PPP1R1C: variants seen among roughly 807,000 people sequenced by gnomAD.
The protein encoded by PPP1R1C is protein phosphatase 1 regulatory inhibitor subunit 1C.
PPP1R1C carries 15 observed loss-of-function variants against 17.4 expected under a neutral mutation model. The ratio of observed to expected loss-of-function variants is 0.86; its 90% CI spans 0.58 to 1.33. The LOEUF is 1.33. Ranked by LOEUF, PPP1R1C falls within the 40% of genes most tolerant of loss-of-function variation. The probability of loss-of-function intolerance (pLI) is 0.00; values close to 1 mark genes in which losing one functional copy is unlikely to be tolerated. For synonymous variants in PPP1R1C, 35 were observed against 43.1 expected (o/e 0.81, Z 0.73); for missense variants, 143 against 130.0 (o/e 1.10, Z -0.48).
chr2:181,986,887 A>G (rs926859661), intron 1 of PPP1R1C, among the ~76,000 whole-genome samples: 1 of 152,234 alleles, frequency 6.6e-6, no homozygotes, highest in Non-Finnish European at 1.5e-5. Flanking sequence ...AGGCAAAAGC[A>G]AAGAAATTTA....
chr2:182,069,164 G>A (rs1040954075), intron 4 of PPP1R1C, among the ~76,000 whole-genome samples: 36 of 152,184 alleles, frequency 2.4e-4, no homozygotes, highest in African/African-American at 8.2e-4. Context: ...TGTTTGTGCT[G>A]GCTCAGTTTG....
At chr2:182,005,050 A>G (rs934873527) in intron 2 of PPP1R1C, among the ~76,000 whole-genome samples, 1 of 152,232 alleles carries the variant, frequency 6.6e-6, no homozygotes, top group Non-Finnish European at 1.5e-5. Flanking sequence ...TAATGGCTCA[A>G]TAATGGAGCT....
Position 182,025,826 on chromosome 2 carries a change from C to T in PPP1R1C, c.143-35616C>T, listed in dbSNP as rs1036731349. On this transcript the variant is annotated intron_variant, in intron 2 of 4. Transcript: ENST00000682840. ...TTGAACTAGTTTACAGTCCCACCAA[C>T]GGTGTAAAAGTGTTCCTATTTCTCC... Among the ~76,000 whole-genome samples the T allele has an allele frequency of 7.0e-4, 102 of 144,874 alleles. 10 individuals are homozygous for T. The highest frequency in any genetic ancestry group is 3.6e-3 in the Middle Eastern group (1 of 280).
chr2:182,030,227 T>C (rs1393537450), intron 2 of PPP1R1C, among the ~76,000 whole-genome samples: 1 of 152,202 alleles, frequency 6.6e-6, no homozygotes, highest in Non-Finnish European at 1.5e-5. Flanking sequence ...AAAGTCATTC[T>C]CCATCCAGCT....
chr2:181,982,670 G>A (rs554433158), upstream of PPP1R1C, among the ~76,000 whole-genome samples: 19 of 152,222 alleles, frequency 1.2e-4, no homozygotes, highest in African/African-American at 2.9e-4. Flanking sequence ...AAAAGGGAGC[G>A]GGGAGGCAGG....
downstream of PPP1R1C, among the ~76,000 whole-genome samples, chr2:182,119,231 G>A (rs1689668945): frequency 6.6e-6 from 1 of 151,984 alleles, no homozygotes; most frequent in Non-Finnish European, 1.5e-5. Flanking sequence ...CAAAGGACAT[G>A]AACTCATCAT....
At chr2:182,130,537 A>T (rs1424066279), downstream of PPP1R1C, 1 of 152,242 alleles carries the variant, frequency 6.6e-6, no homozygotes, top group Non-Finnish European at 1.5e-5. Flanking sequence ...AACTTAAAAA[A>T]ATAGTTTGCA....
intron 4 of PPP1R1C, among the ~76,000 whole-genome samples, chr2:182,106,844 G>A (rs975702202): frequency 5.3e-5 from 8 of 152,134 alleles, no homozygotes; most frequent in Non-Finnish European, 1.2e-4. Flanking sequence ...TGTGGGGTTG[G>A]AGCCCCACGA....
chr2:182,039,714 G>T (rs927239028), intron 2 of PPP1R1C, among the ~76,000 whole-genome samples: 5 of 152,108 alleles, frequency 3.3e-5, no homozygotes, highest in Non-Finnish European at 7.4e-5. Context: ...TAGACGAATT[G>T]TATAGTGGTG....
Position 181,961,181 on chromosome 2 carries a change from A to G in PPP1R1C, n.111+6547A>G, listed in dbSNP as rs1684775115. The G allele has an allele frequency of 3.6e-6, 3 of 837,432 alleles. No individual in the cohort carries two copies. Among genetic ancestry groups the G allele is most frequent in the Admixed American group, 1.8e-5 (1 of 56,536 alleles). The allele number at this position is 837,432 out of a possible 1,614,324, so 51.9% of individuals were successfully genotyped here. A position where few individuals can be genotyped will look rare whatever the true frequency, so the allele number is the denominator to read the frequency against. On this transcript the variant is annotated intron_variant and non_coding_transcript_variant, in intron 1 of 5. Coordinates refer to the PPP1R1C transcript ENST00000464264. The surrounding 1 kb of genome is among the most constrained non-coding windows in gnomAD (Gnocchi z 5.8). ...CTTTTTATTGACCTCCTGCTCCCCA[A>G]AGGGTACCCTGCTTCTGCTGGCTTG...
intron 4 of PPP1R1C, among the ~76,000 whole-genome samples, chr2:182,114,715 T>C (rs1189010180): frequency 6.6e-6 from 1 of 152,202 alleles, no homozygotes; most frequent in Admixed American, 6.5e-5. Context: ...CACCTGCTCC[T>C]GCCTCATCAA....
chr2:182,100,500 T>C (rs1411293204), intron 4 of PPP1R1C, among the ~76,000 whole-genome samples: 1 of 149,526 alleles, frequency 6.7e-6, no homozygotes, highest in Non-Finnish European at 1.5e-5. Context: ...CAGAGCGAGA[T>C]TCCATCTCGG....
At chr2:182,000,103 G>T (rs1305918546) in intron 2 of PPP1R1C, among the ~76,000 whole-genome samples, 1 of 152,134 alleles carries the variant, frequency 6.6e-6, no homozygotes, top group Non-Finnish European at 1.5e-5. Context: ...AGAAGGTTTT[G>T]CACGAGTAAG....
At chr2:182,015,187 T>C (rs1686222571) in intron 2 of PPP1R1C, among the ~76,000 whole-genome samples, 1 of 152,120 alleles carries the variant, frequency 6.6e-6, no homozygotes, top group Non-Finnish European at 1.5e-5. Flanking sequence ...AATTCCCATA[T>C]GTTGTGGGAG....
intron 1 of PPP1R1C, among the ~76,000 whole-genome samples, chr2:181,970,103 G>A (rs1036044701): frequency 8.6e-5 from 13 of 151,456 alleles, no homozygotes; most frequent in Non-Finnish European, 1.6e-4. Flanking sequence ...TCTGTCTCCA[G>A]GATTGGTCCA....
upstream of PPP1R1C, among the ~76,000 whole-genome samples, chr2:181,981,164 G>A (rs1685188591): frequency 1.3e-5 from 2 of 151,910 alleles, no homozygotes; most frequent in South Asian, 2.1e-4. Flanking sequence ...TCCTGACCTC[G>A]TGATCCGCCC....
rs116853394 is a variant in PPP1R1C at position 182,022,851 on chromosome 2, G to A, written c.142+34952G>A. Among the ~76,000 whole-genome samples the A allele has an allele frequency of 6.3e-4, 96 of 152,284 alleles. 1 individual carries two copies. The East Asian group carries it at 0.018, about 28-fold the overall frequency. On this transcript the variant is annotated intron_variant, in intron 2 of 4. Transcript: ENST00000682840. The stretch of plus-strand genomic sequence containing the variant: ...CCTAATGCAAGAAATTTAACAGTAT[G>A]TTGAAGAAATATCAGAGCCAAGACC...
chr2:182,032,223 A>C (rs1411200290), intron 2 of PPP1R1C, among the ~76,000 whole-genome samples: 1 of 152,232 alleles, frequency 6.6e-6, no homozygotes, highest in Non-Finnish European at 1.5e-5. Context: ...AGAAGAGTTA[A>C]CATATTGGTT....
At chr2:182,126,793 C>A (rs1689885325) in intron 5 of PPP1R1C, among the ~76,000 whole-genome samples, 1 of 151,890 alleles carries the variant, frequency 6.6e-6, no homozygotes, top group South Asian at 2.1e-4. Flanking sequence ...ATATTTCATG[C>A]AGGCAATGGA....
Sources: gnomAD v4.1 joint callset for allele counts (sites outside exome capture counted in the v4.1 genomes callset) on GRCh38, gnomAD v4.1.1 for gene constraint, Gnocchi (gnomAD v3.1) non-coding constraint, MANE v1.5 for transcripts, NCBI Gene and HGNC (gene_info 2026-07-23, HGNC 2026-07-21) for gene names.